KMT2C: variants seen among roughly 807,000 people sequenced by gnomAD.
The protein encoded by KMT2C is lysine methyltransferase 2C.
A neutral mutation model predicts 507.9 loss-of-function variants in KMT2C; 88 were observed. That is an observed-to-expected ratio of 0.17 (90% CI 0.15 to 0.21). The LOEUF is 0.21. Among genes scored for constraint, KMT2C ranks in the 10% least tolerant of loss-of-function variants. KMT2C has a pLI of 1.00. For synonymous variants in KMT2C, 2,049 were observed against 2,080.8 expected (o/e 0.98, Z 0.42); for missense variants, 4,954 against 5,957.8 (o/e 0.83, Z 5.55).
intron 23 of KMT2C, among the ~76,000 whole-genome samples, chr7:152,218,317 C>T (rs1233709076): frequency 6.6e-6 from 1 of 152,072 alleles, no homozygotes; most frequent in East Asian, 1.9e-4. Context: ...GTGCCTGCCA[C>T]CACACCCAGC....
Position 152,435,885 on chromosome 7 carries a change from C to T in KMT2C, c.-99G>A, listed in dbSNP as rs1308370453. 7 of 1,306,166 alleles carry T rather than the reference C, an allele frequency of 5.4e-6. No homozygotes were observed. Among genetic ancestry groups the T allele is most frequent in the South Asian group, 1.7e-5 (1 of 59,056 alleles). 80.9% of individuals were successfully genotyped at this position (1,306,166 alleles called of 1,614,324 possible). On this transcript the variant is annotated 5_prime_UTR_variant, in exon 1 of 59. Transcript: ENST00000262189. ...CGCCGCTGCTGCTCGGGTTCCTCCT[C>T]CCCGGCTCAGCCTCTCGCATTTCCC...
intron 1 of KMT2C, among the ~76,000 whole-genome samples, chr7:152,363,888 G>C (rs1404881054): frequency 1.3e-5 from 2 of 152,196 alleles, no homozygotes; most frequent in East Asian, 3.9e-4. Context: ...AATTACAGAA[G>C]AACAATTCCC....
chr7:152,210,379 A>G (rs1405430562), intron 23 of KMT2C, among the ~76,000 whole-genome samples: 84 of 152,350 alleles, frequency 5.5e-4, no homozygotes, highest in Admixed American at 5.4e-3. Context: ...CTATCTATCC[A>G]GTCTCCATCT....
Position 152,435,932 on chromosome 7 carries a change from G to A in KMT2C, c.-146C>T. 2.4e-6 allele frequency: 2 copies of A among 825,678 alleles called. No homozygotes were observed. Among genetic ancestry groups the A allele is most frequent in the Non-Finnish European group, 3.5e-6 (2 of 575,406 alleles). The allele number at this position is 825,678 out of a possible 1,614,324, so 51.1% of individuals were successfully genotyped here. ...TCCCGCAGCCCCGGGAGCAGCAGCA[G>A]GTACCGGGAGAGGCGGCAACATGGA... On this transcript the variant is annotated 5_prime_UTR_variant, in exon 1 of 59. Coordinates refer to ENST00000262189, the MANE Select transcript of KMT2C (RefSeq NM_170606.3).
chr7:152,256,374 T>C (rs977816416), intron 9 of KMT2C, among the ~76,000 whole-genome samples: 1 of 151,800 alleles, frequency 6.6e-6, no homozygotes, highest in African/African-American at 2.4e-5. Context: ...TAATACAGCC[T>C]GGACAACATA....
chr7:152,194,342 G>C (rs2129129328), intron 29 of KMT2C, 81 bp from the exon 30 acceptor site: 1 of 1,384,340 alleles, frequency 7.2e-7, no homozygotes, highest in Non-Finnish European at 1.0e-6. Context: ...TTAACTGACA[G>C]AAATAATTAG....
chr7:152,163,164 C>T lies in KMT2C; in HGVS notation c.10413G>A (p.Gln3471=). The T allele has an allele frequency of 6.2e-7, 1 of 1,614,188 alleles. No individual in the cohort carries two copies. The highest frequency in any genetic ancestry group is 8.5e-7 in the Non-Finnish European group (1 of 1,180,044). The part of the protein sequence containing the change: ...DFMQPLGPLQ[Q]SPQHQQQMGQ... ...CCATTTGCTGTTGGTGTTGTGGAGA[C>T]TGCTGAAGGGGTCCTAGAGGTTGCA... is the stretch of plus-strand genomic sequence containing the variant. The change falls in exon 43 of 59, where the codon CAG becomes CAA. Residue 3471 remains glutamine (Q), a synonymous_variant. Transcript: ENST00000262189.
chr7:152,431,613 A>G (rs2097863212), intron 1 of KMT2C, among the ~76,000 whole-genome samples: 1 of 151,946 alleles, frequency 6.6e-6, no homozygotes, highest in Non-Finnish European at 1.5e-5. Flanking sequence ...CAAAAAAAAA[A>G]AAAAAGAAAA....
chr7:152,229,198 T>C (rs1384611414), intron 18 of KMT2C, among the ~76,000 whole-genome samples: 2 of 152,156 alleles, frequency 1.3e-5, no homozygotes, highest in Non-Finnish European at 2.9e-5. Flanking sequence ...AAGATTTCCT[T>C]GTGGAGTATA....
At chr7:152,289,410 T>C (rs2096366356) in intron 6 of KMT2C, among the ~76,000 whole-genome samples, 1 of 152,236 alleles carries the variant, frequency 6.6e-6, no homozygotes, top group Admixed American at 6.5e-5. Context: ...TAATTATCTA[T>C]GTGACAAAAC....
Position 152,351,783 on chromosome 7 carries a change from C to A in KMT2C, c.250+6804G>T, listed in dbSNP as rs141475664. Among the ~76,000 whole-genome samples the A allele has an allele frequency of 7.1e-3, 1,078 of 152,196 alleles. 17 individuals are homozygous for A. The highest frequency in any genetic ancestry group is 0.025 in the African/African-American group (1,020 of 41,560). ...ACTTATCACTTCCCCAATCAATACC[C>A]TTGTGATTTCCTATGCCTGTCTTTA... On this transcript the variant is annotated intron_variant, in intron 2 of 58. Transcript: ENST00000262189.
chr7:152,362,504 G>C (rs1451617452), intron 1 of KMT2C, among the ~76,000 whole-genome samples: 1 of 152,154 alleles, frequency 6.6e-6, no homozygotes, highest in African/African-American at 2.4e-5. Flanking sequence ...AAAGAAAATA[G>C]AGAATGACAA....
chr7:152,167,041 TACTAGTCAAAAAAAATC>T, intron 42 of KMT2C, 88 bp downstream of exon 42: 1 of 868,208 alleles, frequency 1.2e-6, no homozygotes, highest in Non-Finnish European at 1.8e-6. Context: ...TGCCATTTAA[TACTAGTCAAAAAAAATC>T]ACTAGTCAAA....
chr7:152,176,803 G>C lies in KMT2C; in HGVS notation c.8650C>G (p.Arg2884Gly), dbSNP rs1264581254. The C allele has an allele frequency of 6.2e-7, 1 of 1,614,152 alleles. No individual in the cohort carries two copies. Among genetic ancestry groups the C allele is most frequent in the Non-Finnish European group, 8.5e-7 (1 of 1,180,028 alleles). ...DPDLFEKRTNRETAGPSANVI... is the reference protein window; with the variant it reads ...DPDLFEKRTNGETAGPSANVI... ...TTTGCACTGGGGCCAGCAGTTTCTC[G>C]ATTGGTTCTTTTCTCAAATAGATCT... The change falls in exon 38 of 59, where the codon CGA (arginine) becomes GGA (glycine). Residue 2884 changes from arginine to glycine, a missense_variant. Physicochemically the swap from Arg to Gly is moderately radical, Grantham distance 125. Coordinates refer to ENST00000262189, the MANE Select transcript of KMT2C (RefSeq NM_170606.3).
intron 2 of KMT2C, among the ~76,000 whole-genome samples, chr7:152,339,087 A>G (rs1021400727): frequency 6.6e-6 from 1 of 152,230 alleles, no homozygotes; most frequent in Admixed American, 6.5e-5. Flanking sequence ...CAACACTGAT[A>G]GCATAACAGG....
intron 1 of KMT2C, among the ~76,000 whole-genome samples, chr7:152,393,840 T>G (rs2097519857): frequency 7.1e-6 from 1 of 140,248 alleles, no homozygotes; most frequent in African/African-American, 2.7e-5. Flanking sequence ...TGCAGTGCAG[T>G]GAGCCGAGAT....
At chr7:152,270,513 G>A (rs1270579209) in intron 7 of KMT2C, among the ~76,000 whole-genome samples, 2 of 152,184 alleles carry the variant, frequency 1.3e-5, no homozygotes, top group African/African-American at 2.4e-5. Context: ...GCCTTTGTTC[G>A]CCTTGATGAT....
At chr7:152,424,433 G>A (rs903833961) in intron 1 of KMT2C, among the ~76,000 whole-genome samples, 3 of 151,828 alleles carry the variant, frequency 2.0e-5, no homozygotes, top group Admixed American at 6.6e-5. Context: ...TTTTGTGTGT[G>A]AGAGAGAGAA....
chr7:152,419,908 T>C (rs752713596), intron 1 of KMT2C, among the ~76,000 whole-genome samples: 1 of 152,244 alleles, frequency 6.6e-6, no homozygotes, highest in Non-Finnish European at 1.5e-5. Flanking sequence ...ACTCCCCTTT[T>C]TCTCTTCGGT....
Sources: gnomAD v4.1 joint callset for allele counts (sites outside exome capture counted in the v4.1 genomes callset) on GRCh38, gnomAD v4.1.1 for gene constraint, MANE v1.5 for transcripts, NCBI Gene and HGNC (gene_info 2026-07-23, HGNC 2026-07-21) for gene names.